ZNF628: variants seen among roughly 807,000 people sequenced by gnomAD.
ZNF628 encodes the protein zinc finger protein 628.
ZNF628 carries 3 observed loss-of-function variants against 2.5 expected under a neutral mutation model. The observed-to-expected ratio is 1.19, with a 90% CI of 0.54 to 3.07. ZNF628 has a LOEUF of 3.07. Among genes scored for constraint, ZNF628 ranks in the 30% most tolerant of loss-of-function variants. The pLI is 0.03. For synonymous variants in ZNF628, 861 were observed against 717.1 expected (o/e 1.20, Z -3.21); for missense variants, 1,610 against 1,517.1 (o/e 1.06, Z -1.02).
chr19:55,480,786 G>A (rs1051951074), intron 2 of ZNF628, among the ~76,000 whole-genome samples: 2 of 152,212 alleles, frequency 1.3e-5, no homozygotes, highest in Admixed American at 6.5e-5. Flanking sequence ...TGTTGAGGCC[G>A]AGATGGAGGA....
Position 55,481,915 on chromosome 19 carries a change from C to T in ZNF628, c.722C>T (p.Pro241Leu), listed in dbSNP as rs759095500. Residue 241 changes from proline (P) to leucine (L), a missense_variant, in exon 3 of 3, where the codon CCC (proline) becomes CTC (leucine). Pro to Leu is a moderately conservative substitution (Grantham distance 98). Coordinates refer to ENST00000598519, the MANE Select transcript of ZNF628 (RefSeq NM_033113.3). ...GGTACCGCCTCCGCGGCCCCGCCCC[C>T]CCAGTCCCGGGAGCCCGGCAAGGTC... is the stretch of plus-strand genomic sequence containing the variant. ...APGTASAAPP[P>L]QSREPGKVFV... 28 of 1,482,320 alleles carry T rather than the reference C, an allele frequency of 1.9e-5. No homozygotes were observed. Among genetic ancestry groups the T allele is most frequent in the Admixed American group, 1.4e-4 (6 of 43,418 alleles). 91.8% of individuals were successfully genotyped at this position (1,482,320 alleles called of 1,614,324 possible).
Position 55,483,551 on chromosome 19 carries a change from AGCGGCCAGCGCT to A in ZNF628, c.2360_2371del (p.Ala787_Ala790del), listed in dbSNP as rs780386421. 6.3e-7 allele frequency: 1 copy of A among 1,588,028 alleles called. No individual in the cohort carries two copies. The highest frequency in any genetic ancestry group is 1.2e-5 in the South Asian group (1 of 86,908). Reference sequence around the variant, plus strand: ...GCCCTGGGGGTCTAGGGGTGCAGGGAGCGGCCAGCGCTGGGGCCAGCGGGACAGGGCAGAGCC... The same window carrying A: ...GCCCTGGGGGTCTAGGGGTGCAGGGAGGGGCCAGCGGGACAGGGCAGAGCC... On this transcript the variant is annotated inframe_deletion, in exon 3 of 3. Coordinates refer to ENST00000598519, the MANE Select transcript of ZNF628 (RefSeq NM_033113.3).
Position 55,479,194 on chromosome 19 carries a change from G to C in ZNF628, c.-77-640G>C, listed in dbSNP as rs548159965. Among the ~76,000 whole-genome samples, 2 of 152,166 alleles carry C rather than the reference G, an allele frequency of 1.3e-5. No individual in the cohort carries two copies. Among genetic ancestry groups the C allele is most frequent in the Non-Finnish European group, 1.5e-5 (1 of 68,036 alleles). On this transcript the variant is annotated intron_variant, in intron 1 of 2. Transcript: ENST00000598519. The surrounding 1 kb of genome is among the most constrained non-coding windows in gnomAD (Gnocchi z 5.1). ...CTGAGATGGGGTGACAGGTGACGGA[G>C]GGCAGTGAGGGAGCGAGGTATCCCG...
chr19:55,484,029 C>A lies in ZNF628; in HGVS notation c.2836C>A (p.Gln946Lys). 6.3e-7 allele frequency: 1 copy of A among 1,595,448 alleles called. No homozygotes were observed. ...GGTGCTGAGCGGGGCCGATGGCGAA[C>A]AGACTCGACTCTGCGTACAGGAGGT... The part of the protein sequence containing the change: ...VLVLSGADGE[Q>K]TRLCVQEVET... Residue 946 changes from glutamine (Q) to lysine (K), a missense_variant, in exon 3 of 3, where the codon CAG (glutamine) becomes AAG (lysine). This residue lies in a region of ZNF628 where 712 missense variants were observed against 603.6 expected (regional missense o/e 1.18). Coordinates refer to ENST00000598519, the MANE Select transcript of ZNF628 (RefSeq NM_033113.3).
chr19:55,482,091 T>G lies in ZNF628; in HGVS notation c.898T>G (p.Cys300Gly). 1 of 1,505,358 alleles carries G rather than the reference T, an allele frequency of 6.6e-7. No homozygotes were observed. Among genetic ancestry groups the G allele is most frequent in the East Asian group, 2.7e-5 (1 of 36,754 alleles). 93.3% of individuals were successfully genotyped at this position (1,505,358 alleles called of 1,614,324 possible). Residue 300 changes from cysteine to glycine, a missense_variant, in exon 3 of 3, where the codon TGC becomes GGC. Transcript: ENST00000598519. The stretch of plus-strand genomic sequence containing the variant: ...GGAGCTGGTGTACCGCTGCGATGGC[T>G]GCGAGCAGGGATTCAGCAGCGAGGA... Reference protein sequence around the residue: ...TVELVYRCDGCEQGFSSEELL... With the variant: ...TVELVYRCDGGEQGFSSEELL...
In ZNF628 at chr19:55,482,062, C is replaced by T; in HGVS notation, c.869C>T (p.Thr290Met). Residue 290 changes from threonine to methionine, a missense_variant, in exon 3 of 3, where the codon ACG becomes ATG. By Grantham distance (81) the Thr-to-Met change is moderately conservative (BLOSUM62 -1). This residue lies in a region of ZNF628 where 651 missense variants were observed against 575.6 expected (regional missense o/e 1.13). Coordinates refer to ENST00000598519, the MANE Select transcript of ZNF628 (RefSeq NM_033113.3). The stretch of plus-strand genomic sequence containing the variant: ...CTCTTTTTGGCGGCGGCGGAGACCA[C>T]GGTGGAGCTGGTGTACCGCTGCGAT... ...PELFLAAAET[T>M]VELVYRCDGC... 1 of 1,499,812 alleles carries T rather than the reference C, an allele frequency of 6.7e-7. No homozygotes were observed. Among genetic ancestry groups the T allele is most frequent in the South Asian group, 1.2e-5 (1 of 82,138 alleles). The allele number at this position is 1,499,812 out of a possible 1,614,324, so 92.9% of individuals were successfully genotyped here. A position where few individuals can be genotyped will look rare whatever the true frequency, so the allele number is the denominator to read the frequency against.
At chr19:55,477,367 T>G (rs1400556198) in intron 1 of ZNF628, among the ~76,000 whole-genome samples, 2 of 152,008 alleles carry the variant, frequency 1.3e-5, no homozygotes, top group Non-Finnish European at 2.9e-5. Context: ...TTTTTTTTTT[T>G]TTTTTTTTCT....
At position 55,482,330 on chromosome 19, in the gene ZNF628, G is replaced by A; in HGVS notation, c.1137G>A (p.Gly379=). The part of the protein sequence containing the change: ...AGLSRHQHSH[G]AAGGQAFRCG... ...TCTCCCGCCACCAGCACAGCCACGG[G>A]GCTGCCGGCGGGCAAGCGTTCCGCT... is the stretch of plus-strand genomic sequence containing the variant. The change falls in exon 3 of 3, where the codon GGG becomes GGA. Residue 379 remains glycine, a synonymous_variant. Transcript: ENST00000598519. The A allele has an allele frequency of 6.9e-7, 1 of 1,456,798 alleles. No homozygotes were observed. Among genetic ancestry groups the A allele is most frequent in the East Asian group, 3.0e-5 (1 of 33,072 alleles). 90.2% of individuals were successfully genotyped at this position (1,456,798 alleles called of 1,614,324 possible). A position where few individuals can be genotyped will look rare whatever the true frequency, so the allele number is the denominator to read the frequency against.
chr19:55,481,865 C>G lies in ZNF628; in HGVS notation c.672C>G (p.Arg224=). Residue 224 remains arginine, a synonymous_variant, in exon 3 of 3, where the codon CGC becomes CGG. Transcript: ENST00000598519. ...CCTCCAACCTGCTGCTGCACCAGCG[C>G]ACGCACGGCGCCGCCCCCGCCCCGG... ...THSSNLLLHQ[R]THGAAPAPGT... is the part of the protein sequence containing the mutation. 1 of 1,569,780 alleles carries G rather than the reference C, an allele frequency of 6.4e-7. No homozygotes were observed. Among genetic ancestry groups the G allele is most frequent in the South Asian group, 1.1e-5 (1 of 87,020 alleles).
chr19:55,478,929 A>G (rs1166232973), intron 1 of ZNF628, among the ~76,000 whole-genome samples: 2 of 152,190 alleles, frequency 1.3e-5, no homozygotes, highest in African/African-American at 4.8e-5. Flanking sequence ...GATTTTGGGC[A>G]TGTTAAGTTG....
At position 55,483,281 on chromosome 19, in the gene ZNF628, G is replaced by C; in HGVS notation, c.2088G>C (p.Thr696=). ...TCTCCCTCGAGGTGGCGGGGGGCACGGCCCAGGCCCCGAGCTTGGGGCCAG... is the reference window on the plus strand; with the variant it reads ...TCTCCCTCGAGGTGGCGGGGGGCACCGCCCAGGCCCCGAGCTTGGGGCCAG... ...ATLSLEVAGG[T]AQAPSLGPAA... The change falls in exon 3 of 3, where the codon ACG becomes ACC. Residue 696 remains threonine, a synonymous_variant. Coordinates refer to ENST00000598519, the MANE Select transcript of ZNF628 (RefSeq NM_033113.3). 1.3e-6 allele frequency: 2 copies of C among 1,515,692 alleles called. No individual in the cohort carries two copies. The highest frequency in any genetic ancestry group is 8.8e-7 in the Non-Finnish European group (1 of 1,136,110). 93.9% of individuals were successfully genotyped at this position (1,515,692 alleles called of 1,614,324 possible). A position where few individuals can be genotyped will look rare whatever the true frequency, so the allele number is the denominator to read the frequency against.
At chr19:55,478,682 G>A (rs1186100680) in intron 1 of ZNF628, among the ~76,000 whole-genome samples, 2 of 152,246 alleles carry the variant, frequency 1.3e-5, no homozygotes, top group East Asian at 1.9e-4. Flanking sequence ...TCCGTGGGGA[G>A]GCTGTTGCAG....
At chr19:55,480,666 C>T (rs969438334) in intron 2 of ZNF628, among the ~76,000 whole-genome samples, 1 of 152,230 alleles carries the variant, frequency 6.6e-6, no homozygotes, top group African/African-American at 2.4e-5. Flanking sequence ...GGTGATCTGC[C>T]TGCCTCAGCC....
At position 55,484,152 on chromosome 19, in the gene ZNF628, G is replaced by C. The variant is rs749074158; in HGVS notation, c.2959G>C (p.Asp987His). ...CAGCGCCCCAGCCACTGAGCTGCTG[G>C]ACAGCAGCAACACTGGAGGAGGCAC... ...IRSAPATELL[D>H]SSNTGGGTAT... The change falls in exon 3 of 3, where the codon GAC becomes CAC. Residue 987 changes from aspartate (D) to histidine (H), a missense_variant. Coordinates refer to ENST00000598519, the MANE Select transcript of ZNF628 (RefSeq NM_033113.3). The C allele has an allele frequency of 1.3e-6, 2 of 1,580,428 alleles. No individual in the cohort carries two copies. Among genetic ancestry groups the C allele is most frequent in the East Asian group, 2.4e-5 (1 of 42,514 alleles).
rs919179552 is a variant in ZNF628 at position 55,481,633 on chromosome 19, C to T, written c.440C>T (p.Pro147Leu). 7 of 1,609,554 alleles carry T rather than the reference C, an allele frequency of 4.3e-6. No individual in the cohort carries two copies. The Admixed American group carries it at 1.2e-4, about 27-fold the overall frequency. Residue 147 changes from proline to leucine, a missense_variant, in exon 3 of 3, where the codon CCC becomes CTC. Physicochemically the swap from Pro to Leu is moderately conservative, Grantham distance 98. Coordinates refer to ENST00000598519, the MANE Select transcript of ZNF628 (RefSeq NM_033113.3). ...YHLRQHTGER[P>L]YPCPDCPKAF... ...TTAAGGCAGCACACAGGCGAGCGCCCCTACCCGTGCCCGGACTGCCCCAAG... is the reference window on the plus strand; with the variant it reads ...TTAAGGCAGCACACAGGCGAGCGCCTCTACCCGTGCCCGGACTGCCCCAAG...
In ZNF628 at chr19:55,481,890, G is replaced by A. The variant is rs1386255838; in HGVS notation, c.697G>A (p.Gly233Ser). The A allele has an allele frequency of 7.3e-6, 11 of 1,512,090 alleles. No homozygotes were observed. The highest frequency in any genetic ancestry group is 1.4e-5 in the African/African-American group (1 of 70,876). The allele number at this position is 1,512,090 out of a possible 1,614,324, so 93.7% of individuals were successfully genotyped here. A position where few individuals can be genotyped will look rare whatever the true frequency, so the allele number is the denominator to read the frequency against. The change falls in exon 3 of 3, where the codon GGT (glycine) becomes AGT (serine). Residue 233 changes from glycine (G) to serine (S), a missense_variant. Coordinates refer to ENST00000598519, the MANE Select transcript of ZNF628 (RefSeq NM_033113.3). ...CACGCACGGCGCCGCCCCCGCCCCG[G>A]GTACCGCCTCCGCGGCCCCGCCCCC... ...QRTHGAAPAP[G>S]TASAAPPPQS...
chr19:55,482,920 C>T lies in ZNF628; in HGVS notation c.1727C>T (p.Ala576Val), dbSNP rs1157793058. 1.9e-6 allele frequency: 3 copies of T among 1,608,530 alleles called. No individual in the cohort carries two copies. Among genetic ancestry groups the T allele is most frequent in the African/African-American group, 1.3e-5 (1 of 74,680 alleles). The change falls in exon 3 of 3, where the codon GCG becomes GTG. Residue 576 changes from alanine to valine, a missense_variant. By Grantham distance (64) the Ala-to-Val change is moderately conservative (BLOSUM62 0). Transcript: ENST00000598519. ...HACGVCGKSF[A>V]QTSNLRQHQR... ...TGCGGTGTCTGCGGCAAGAGCTTCG[C>T]GCAGACCTCCAACCTGCGGCAGCAC...
At position 55,484,472 on chromosome 19, in the gene ZNF628, C is replaced by A; in HGVS notation, c.*99C>A. 7.7e-6 allele frequency: 8 copies of A among 1,037,304 alleles called. No individual in the cohort carries two copies. Among genetic ancestry groups the A allele is most frequent in the Non-Finnish European group, 1.1e-5 (8 of 748,318 alleles). The allele number at this position is 1,037,304 out of a possible 1,614,324, so 64.3% of individuals were successfully genotyped here. On this transcript the variant is annotated 3_prime_UTR_variant, in exon 3 of 3. Coordinates refer to ENST00000598519, the MANE Select transcript of ZNF628 (RefSeq NM_033113.3). ...CGCAGGCTGGGCTTGCTAATAAAGA[C>A]CCGAGTCTCCCCGCCTGTGTTTTGT...
intron 1 of ZNF628, among the ~76,000 whole-genome samples, chr19:55,478,010 G>C (rs554668797): frequency 5.1e-4 from 78 of 152,264 alleles, no homozygotes; most frequent in African/African-American, 1.5e-3. Flanking sequence ...TGGGGGCAAC[G>C]GTGCTCCCCA....
Sources: allele counts gnomAD v4.1 joint callset (sites outside exome capture counted in the v4.1 genomes callset), GRCh38; gene constraint gnomAD v4.1.1; regional missense constraint gnomAD v4.1.1; non-coding constraint Gnocchi (gnomAD v3.1); transcripts MANE v1.5; gene names NCBI Gene and HGNC (gene_info 2026-07-23, HGNC 2026-07-21).